Variants in NRG1 observed in about 807,000 individuals in gnomAD.
NRG1 encodes neuregulin 1, also known as pro-neuregulin-1, membrane-bound isoform.
A neutral mutation model predicts 63.8 loss-of-function variants in NRG1; 18 were observed. The observed-to-expected ratio is 0.28, with a 90% CI of 0.19 to 0.42. NRG1 has a LOEUF of 0.42. NRG1 is among the 10% of genes least tolerant of loss of function. The pLI is 1.00. For synonymous variants in NRG1, 302 were observed against 301.3 expected, an observed-to-expected ratio of 1.00 and a Z score of -0.02; for missense variants, 762 against 814.7, an observed-to-expected ratio of 0.94 and a Z score of 0.79.
At chr8:31,899,280 T>C (rs1333623941) in intron 1 of NRG1, among the ~76,000 whole-genome samples, 3 of 151,988 alleles carry the variant, frequency 2.0e-5, no homozygotes, top group Admixed American at 1.3e-4. Context: ...ATTTATTCTT[T>C]CTTTTTTTTT....
At chr8:32,154,668 C>T (rs1328026235) in intron 1 of NRG1, among the ~76,000 whole-genome samples, 2 of 152,180 alleles carry the variant, frequency 1.3e-5, no homozygotes, top group African/African-American at 4.8e-5. Context: ...CATCAAATTC[C>T]ACTTGCTCTG....
chr8:32,083,168 A>G (rs900584269), intron 1 of NRG1, among the ~76,000 whole-genome samples: 3 of 152,184 alleles, frequency 2.0e-5, no homozygotes, highest in Non-Finnish European at 2.9e-5. Flanking sequence ...TATCATGTGT[A>G]ATTTATGAGA....
In NRG1 at chr8:32,491,056, G is replaced by T. The variant is rs372405173; in HGVS notation, c.38-104772G>T. Among the ~76,000 whole-genome samples, 109 of 152,208 alleles carry T rather than the reference G, an allele frequency of 7.2e-4. 1 individual carries two copies. The highest frequency in any genetic ancestry group is 2.4e-3 in the African/African-American group (100 of 41,512). On this transcript the variant is annotated intron_variant, in intron 1 of 10. Transcript: ENST00000519301. Reference sequence around the variant, plus strand: ...ACTAATTTTTCCCCCTTCATCTCAAGGTGTCACTGCTTAATTATTACGGTT... The same window carrying T: ...ACTAATTTTTCCCCCTTCATCTCAATGTGTCACTGCTTAATTATTACGGTT...
chr8:32,185,904 T>C (rs1320919603), intron 1 of NRG1, among the ~76,000 whole-genome samples: 1 of 152,246 alleles, frequency 6.6e-6, no homozygotes, highest in African/African-American at 2.4e-5. Flanking sequence ...CCTGGATTTC[T>C]TACAGAAGTG....
At chr8:32,312,457 G>A (rs751846319) in intron 1 of NRG1, among the ~76,000 whole-genome samples, 12 of 150,360 alleles carry the variant, frequency 8.0e-5, no homozygotes, top group Non-Finnish European at 1.8e-4. Context: ...TTACAGGCAT[G>A]AGCCACCATG....
intron 1 of NRG1, among the ~76,000 whole-genome samples, chr8:32,420,172 GC>G (rs1816514386): frequency 6.6e-6 from 1 of 152,162 alleles, no homozygotes; most frequent in Non-Finnish European, 1.5e-5. Flanking sequence ...GTGACCATCA[GC>G]TGGAAGAAGC....
intron 1 of NRG1, among the ~76,000 whole-genome samples, chr8:32,595,583 C>A (rs1285496536): frequency 6.6e-6 from 1 of 152,170 alleles, no homozygotes; most frequent in African/African-American, 2.4e-5. Flanking sequence ...TTGAAACTAT[C>A]TAGAATTTTT....
At chr8:32,474,495 CTTTT>C (rs10707813) in intron 1 of NRG1, among the ~76,000 whole-genome samples, 6 of 132,412 alleles carry the variant, frequency 4.5e-5, no homozygotes, top group African/African-American at 5.6e-5. Flanking sequence ...GTGATATTCC[CTTTT>C]TTTTTTTTTT....
chr8:31,777,969 G>A (rs1303284024), intron 1 of NRG1, among the ~76,000 whole-genome samples: 1 of 152,162 alleles, frequency 6.6e-6, no homozygotes, highest in African/African-American at 2.4e-5. Context: ...CATAAGGTAT[G>A]GAGGGGACAA....
intron 1 of NRG1, among the ~76,000 whole-genome samples, chr8:32,092,574 G>C (rs530516273): frequency 6.6e-6 from 1 of 152,236 alleles, no homozygotes; most frequent in South Asian, 2.1e-4. Context: ...CCATGGCAGA[G>C]CTGCGGGAGC....
At chr8:32,109,594 A>G (rs772626865) in intron 1 of NRG1, among the ~76,000 whole-genome samples, 15 of 152,090 alleles carry the variant, frequency 9.9e-5, no homozygotes, top group Non-Finnish European at 1.6e-4. Context: ...AATTAGAATC[A>G]CCATCAAGTC....
chr8:32,413,096 G>A (rs1051174854), intron 1 of NRG1, among the ~76,000 whole-genome samples: 1 of 152,126 alleles, frequency 6.6e-6, no homozygotes, highest in African/African-American at 2.4e-5. Flanking sequence ...CCTGAAACAT[G>A]TGCATATTCT....
intron 1 of NRG1, among the ~76,000 whole-genome samples, chr8:32,353,197 G>A (rs1805868548): frequency 6.6e-6 from 1 of 150,398 alleles, no homozygotes; most frequent in African/African-American, 2.4e-5. Flanking sequence ...GTTATGCCAT[G>A]AAAGAGACAA....
At chr8:31,914,260 G>A (rs1833188309) in intron 1 of NRG1, among the ~76,000 whole-genome samples, 1 of 151,574 alleles carries the variant, frequency 6.6e-6, no homozygotes, top group Middle Eastern at 3.4e-3. Flanking sequence ...AAAACGCAAA[G>A]CATCAGTAAA....
At chr8:32,579,278 T>C (rs866069451) in intron 1 of NRG1, among the ~76,000 whole-genome samples, 4 of 147,850 alleles carry the variant, frequency 2.7e-5, no homozygotes, top group Non-Finnish European at 5.9e-5. Context: ...AAAAATTAGG[T>C]CGGTAACTCT....
At chr8:31,915,741 T>C (rs1477075318) in intron 1 of NRG1, among the ~76,000 whole-genome samples, 1 of 152,130 alleles carries the variant, frequency 6.6e-6, no homozygotes, top group East Asian at 1.9e-4. Flanking sequence ...ACATGATGGA[T>C]AGAGTAGGTT....
chr8:31,696,287 G>A (rs1281247807), intron 1 of NRG1, among the ~76,000 whole-genome samples: 7 of 152,114 alleles, frequency 4.6e-5, no homozygotes, highest in Non-Finnish European at 8.8e-5. Flanking sequence ...GGCTGGTCTC[G>A]AACTCCTGAC....
intron 1 of NRG1, among the ~76,000 whole-genome samples, chr8:32,326,012 C>CTTTT (rs68070632): frequency 2.9e-5 from 4 of 139,062 alleles, no homozygotes; most frequent in African/African-American, 1.1e-4. Context: ...TCAGATGTCA[C>CTTTT]TTTTTTTTTT....
At chr8:32,262,283 A>C (rs1850463704) in intron 1 of NRG1, among the ~76,000 whole-genome samples, 1 of 152,158 alleles carries the variant, frequency 6.6e-6, no homozygotes, top group African/African-American at 2.4e-5. Flanking sequence ...ACTGCTTGCT[A>C]CTAAGAATTT....
Sources: allele counts gnomAD v4.1 joint callset (sites outside exome capture counted in the v4.1 genomes callset), GRCh38; gene constraint gnomAD v4.1.1; transcripts MANE v1.5; gene names NCBI Gene and HGNC (gene_info 2026-07-23, HGNC 2026-07-21).